The following TMEM132B variants were observed in gnomAD, a reference collection of about 807,000 sequenced individuals.
TMEM132B encodes transmembrane protein 132B.
A neutral mutation model predicts 90.8 loss-of-function variants in TMEM132B; 18 were observed. The ratio of observed to expected loss-of-function variants is 0.20; its 90% CI spans 0.14 to 0.29. The LOEUF (loss-of-function observed/expected upper bound fraction) is 0.29. Among genes scored for constraint, TMEM132B ranks in the 10% least tolerant of loss-of-function variants. TMEM132B has a pLI of 1.00. For synonymous variants in TMEM132B, 504 were observed against 523.3 expected, an observed-to-expected ratio of 0.96 and a Z score of 0.50; for missense variants, 1,096 against 1,326.8, an observed-to-expected ratio of 0.83 and a Z score of 2.70.
intron 3 of TMEM132B, among the ~76,000 whole-genome samples, chr12:125,515,471 TCA>T (rs1443409569): frequency 1.3e-4 from 15 of 113,572 alleles, no homozygotes; most frequent in South Asian, 3.0e-4. Context: ...AGAAACACAT[TCA>T]CACATTGTCA....
Position 125,209,314 on chromosome 12 carries a change from G to C in TMEM132B, c.67+22448G>C, listed in dbSNP as rs1370302565. 1.3e-5 allele frequency among the ~76,000 whole-genome samples: 2 copies of C among 152,238 alleles called. No homozygotes were observed. Among genetic ancestry groups the C allele is most frequent in the African/African-American group, 4.8e-5 (2 of 41,470 alleles). On this transcript the variant is annotated intron_variant, in intron 1 of 8. Transcript: ENST00000682704. This position sits in a 1 kb window ranked among gnomAD's most constrained non-coding sequence, Gnocchi z 4.4. ...TCTCTAAGTGGGGCAGAGGCTCGCG[G>C]ATGGACCGCCCCAGGGGATGGTGCA... is the stretch of plus-strand genomic sequence containing the variant.
At chr12:125,385,839 T>C (rs923444652) in intron 2 of TMEM132B, among the ~76,000 whole-genome samples, 1 of 152,206 alleles carries the variant, frequency 6.6e-6, no homozygotes, top group African/African-American at 2.4e-5. Flanking sequence ...TGTCTTATAT[T>C]TGCCAGCCAT....
At chr12:125,585,191 A>G (rs988102797) in intron 5 of TMEM132B, 1 of 152,232 alleles carries the variant, frequency 6.6e-6, no homozygotes, top group African/African-American at 2.4e-5. Flanking sequence ...AGGAAACTCA[A>G]GTTTGGCATA....
intron 1 of TMEM132B, among the ~76,000 whole-genome samples, chr12:125,312,570 G>A (rs531656827): frequency 2.0e-5 from 3 of 152,326 alleles, no homozygotes; most frequent in East Asian, 1.9e-4. Context: ...CAGGCTGAGC[G>A]CCACCATCTC....
chr12:125,613,197 T>G (rs1277538091), intron 5 of TMEM132B, among the ~76,000 whole-genome samples: 6 of 129,194 alleles, frequency 4.6e-5, no homozygotes, highest in African/African-American at 1.7e-4. Flanking sequence ...CATATATATT[T>G]ATATATATAT....
intron 1 of TMEM132B, among the ~76,000 whole-genome samples, chr12:125,328,626 C>T (rs971106849): frequency 2.0e-5 from 3 of 152,174 alleles, no homozygotes; most frequent in Non-Finnish European, 2.9e-5. Context: ...TTCCCTGTCT[C>T]TGTTCTCTCT....
chr12:125,190,170 C>T (rs969051937), intron 1 of TMEM132B, among the ~76,000 whole-genome samples: 2 of 151,932 alleles, frequency 1.3e-5, no homozygotes, highest in Admixed American at 6.5e-5. Flanking sequence ...GAGGCCTGGG[C>T]TCCCCTCTCC....
intron 3 of TMEM132B, among the ~76,000 whole-genome samples, chr12:125,479,930 A>G (rs1881993801): frequency 6.6e-6 from 1 of 152,248 alleles, no homozygotes; most frequent in African/African-American, 2.4e-5. Context: ...AGTGCAATCA[A>G]ATTAGAACTC....
intron 3 of TMEM132B, among the ~76,000 whole-genome samples, chr12:125,488,476 C>T (rs117359990): frequency 6.4e-4 from 97 of 152,102 alleles, no homozygotes; most frequent in African/African-American, 1.5e-3. Context: ...ATTATGGGGG[C>T]GGGTCTTTCC....
At chr12:125,333,229 GTC>G (rs1876847487) in intron 1 of TMEM132B, among the ~76,000 whole-genome samples, 1 of 152,140 alleles carries the variant, frequency 6.6e-6, no homozygotes, top group Non-Finnish European at 1.5e-5. Context: ...AAGTCTCCCT[GTC>G]CTTTCTCTTA....
intron 3 of TMEM132B, among the ~76,000 whole-genome samples, chr12:125,454,392 TTGTGTGTGTGTG>T (rs749400783): frequency 3.6e-5 from 4 of 111,972 alleles, no homozygotes; most frequent in Non-Finnish European, 6.3e-5. Flanking sequence ...GTGTGTGTGT[TTGTGTGTGTGTG>T]TGTGTGTGTG....
intron 2 of TMEM132B, among the ~76,000 whole-genome samples, chr12:125,380,213 A>C (rs1878637125): frequency 6.6e-6 from 1 of 152,004 alleles, no homozygotes; most frequent in Non-Finnish European, 1.5e-5. Flanking sequence ...GTTCTCTCCT[A>C]GCTTCTGGTG....
At chr12:125,509,201 A>T (rs1034634265) in intron 3 of TMEM132B, among the ~76,000 whole-genome samples, 1 of 152,176 alleles carries the variant, frequency 6.6e-6, no homozygotes, top group African/African-American at 2.4e-5. Context: ...TGAATGCACA[A>T]GTGTTACATT....
At chr12:125,404,397 A>G (rs1211819157) in intron 2 of TMEM132B, among the ~76,000 whole-genome samples, 1 of 152,194 alleles carries the variant, frequency 6.6e-6, no homozygotes, top group Non-Finnish European at 1.5e-5. Context: ...TCAGGAAATC[A>G]TATCTGGAGA....
intron 4 of TMEM132B, among the ~76,000 whole-genome samples, chr12:125,563,598 C>CAAACAAACAAACAA (rs774597550): frequency 3.6e-4 from 54 of 150,288 alleles, no homozygotes; most frequent in Non-Finnish European, 6.2e-4. Context: ...AACAAACAAA[C>CAAACAAACAAACAA]AAAAAAAAAC....
chr12:125,575,083 T>TATATATATATATATATATATATATATATA lies in TMEM132B; in HGVS notation c.1294-8768_1294-8767insATATATATATATATATATATATATATATA, dbSNP rs61155232. Among the ~76,000 whole-genome samples, 1,091 of 114,368 alleles carry TATATATATATATATATATATATATATATA rather than the reference T, an allele frequency of 9.5e-3. 2 individuals carry two copies. Among genetic ancestry groups the TATATATATATATATATATATATATATATA allele is most frequent in the Middle Eastern group, 0.018 (4 of 218 alleles). The allele number at this position is 114,368 out of a possible 152,430, so 75.0% of individuals were successfully genotyped here. ...ATATATATATATATATATATATATA[T>TATATATATATATATATATATATATATATA]TCAGGAGTAGAATTGCTAGGTCATA... On this transcript the variant is annotated intron_variant, in intron 4 of 8. Coordinates refer to ENST00000682704, the MANE Select transcript of TMEM132B (RefSeq NM_001366854.1).
At chr12:125,594,410 G>A (rs1566084141) in intron 5 of TMEM132B, among the ~76,000 whole-genome samples, 1 of 152,170 alleles carries the variant, frequency 6.6e-6, no homozygotes, top group Admixed American at 6.5e-5. Context: ...GGAACAGAAA[G>A]GTTGTATCAT....
intron 5 of TMEM132B, among the ~76,000 whole-genome samples, chr12:125,617,794 A>G (rs1327153334): frequency 6.6e-6 from 1 of 151,992 alleles, no homozygotes; most frequent in African/African-American, 2.4e-5. Context: ...TGATACATTA[A>G]ATTCAGGCCT....
intron 5 of TMEM132B, among the ~76,000 whole-genome samples, chr12:125,641,419 A>G (rs1886626973): frequency 6.6e-6 from 1 of 152,174 alleles, no homozygotes; most frequent in Non-Finnish European, 1.5e-5. Flanking sequence ...TATCTAATAT[A>G]TCCTTTGTAC....
Sources: gnomAD v4.1 joint callset for allele counts (sites outside exome capture counted in the v4.1 genomes callset) on GRCh38, gnomAD v4.1.1 for gene constraint, Gnocchi (gnomAD v3.1) non-coding constraint, MANE v1.5 for transcripts, NCBI Gene and HGNC (gene_info 2026-07-23, HGNC 2026-07-21) for gene names.